RERE: variants seen among roughly 807,000 people sequenced by gnomAD.
The protein encoded by RERE is arginine-glutamic acid dipeptide repeats, also known as arginine-glutamic acid dipeptide repeats protein.
Under a neutral mutation model 146.1 loss-of-function variants are expected in RERE, and 40 were observed. That is an observed-to-expected ratio of 0.27 (90% CI 0.21 to 0.36). RERE has a LOEUF of 0.36. Among genes scored for constraint, RERE ranks in the 10% least tolerant of loss-of-function variants. The pLI, the probability that RERE is intolerant of heterozygous loss-of-function variation, is 1.00. For synonymous variants in RERE, 1,003 were observed against 866.0 expected, an observed-to-expected ratio of 1.16 and a Z score of -2.78; for missense variants, 1,933 against 2,138.7, an observed-to-expected ratio of 0.90 and a Z score of 1.90.
intron 1 of RERE, among the ~76,000 whole-genome samples, chr1:8,816,146 T>A (rs555659407): frequency 8.9e-4 from 136 of 152,316 alleles, no homozygotes; most frequent in Non-Finnish European, 1.7e-3. Flanking sequence ...AAAGCAATTA[T>A]GAAAACTGTT....
intron 11 of RERE, chr1:8,428,635 C>T (rs561063466): frequency 1.3e-5 from 2 of 152,042 alleles, no homozygotes; most frequent in African/African-American, 2.4e-5. Flanking sequence ...TTTAATAGAA[C>T]CTGGAAAGCT....
At chr1:8,635,458 A>G (rs550654655) in intron 2 of RERE, among the ~76,000 whole-genome samples, 5 of 152,326 alleles carry the variant, frequency 3.3e-5, no homozygotes, top group African/African-American at 1.2e-4. Flanking sequence ...TTTATTGTTC[A>G]AGCCCTAAGA....
chr1:8,376,485 C>T (rs1280840514), intron 12 of RERE, among the ~76,000 whole-genome samples: 2 of 152,182 alleles, frequency 1.3e-5, no homozygotes, highest in Non-Finnish European at 2.9e-5. Context: ...CTTTCTGCTT[C>T]CTATACCAAG....
rs1643955782 is a variant in RERE at position 8,423,751 on chromosome 1, G to A, written c.1204-944C>T. 1.1e-6 allele frequency: 1 copy of A among 941,738 alleles called. No individual in the cohort carries two copies. The allele number at this position is 941,738 out of a possible 1,614,324, so 58.3% of individuals were successfully genotyped here. A position where few individuals can be genotyped will look rare whatever the true frequency, so the allele number is the denominator to read the frequency against. The stretch of plus-strand genomic sequence containing the variant: ...CGCGGCGCGGGGCCCGGGGGGCGCG[G>A]GGCTGGGGCCGCCGCTGACGGGGGA... On this transcript the variant is annotated intron_variant, in intron 11 of 22. Transcript: ENST00000400908. The surrounding 1 kb of genome is among the most constrained non-coding windows in gnomAD (Gnocchi z 5.4).
At chr1:8,580,234 T>C (rs1439264916) in intron 4 of RERE, among the ~76,000 whole-genome samples, 2 of 152,172 alleles carry the variant, frequency 1.3e-5, no homozygotes, top group Admixed American at 6.5e-5. Context: ...TCCATTACTA[T>C]AAGCTATCAT....
intron 5 of RERE, among the ~76,000 whole-genome samples, 160 bp downstream of exon 5, chr1:8,557,258 C>T (rs372419994): frequency 1.3e-5 from 2 of 152,164 alleles, no homozygotes; most frequent in Admixed American, 6.5e-5. Flanking sequence ...ACCCACCTCA[C>T]GTGACTAACT....
At chr1:8,492,664 C>T (rs558367944) in intron 10 of RERE, among the ~76,000 whole-genome samples, 2 of 152,220 alleles carry the variant, frequency 1.3e-5, no homozygotes, top group South Asian at 4.1e-4. Flanking sequence ...CTTTGGGAGG[C>T]CGAGGCAGGA....
At chr1:8,414,843 T>C (rs1643718360) in intron 12 of RERE, among the ~76,000 whole-genome samples, 1 of 151,738 alleles carries the variant, frequency 6.6e-6, no homozygotes, top group Non-Finnish European at 1.5e-5. Context: ...AAATTATACA[T>C]GACAGGAAAA....
At chr1:8,789,301 A>AAAAAAAAAAAAAAAAAAAATATAT in intron 1 of RERE, among the ~76,000 whole-genome samples, 1 of 24,814 alleles carries the variant, frequency 4.0e-5, no homozygotes, top group African/African-American at 2.3e-4. Flanking sequence ...AAAAAAAAAA[A>AAAAAAAAAAAAAAAAAAAATATAT]ATATATATAT....
intron 1 of RERE, among the ~76,000 whole-genome samples, chr1:8,668,383 T>C (rs1638626396): frequency 6.6e-6 from 1 of 152,074 alleles, no homozygotes. Flanking sequence ...GGTCATGGGG[T>C]CAAGTGGAAG....
At chr1:8,382,557 T>C (rs187226054) in intron 12 of RERE, among the ~76,000 whole-genome samples, 1 of 152,346 alleles carries the variant, frequency 6.6e-6, no homozygotes, top group African/African-American at 2.4e-5. Context: ...GAAGTGACTA[T>C]TAATATTTTC....
intron 8 of RERE, among the ~76,000 whole-genome samples, chr1:8,501,326 G>A (rs1420935067): frequency 8.7e-6 from 1 of 114,570 alleles, no homozygotes; most frequent in African/African-American, 3.7e-5. Flanking sequence ...CCGTCCGGGA[G>A]GGAGGTGGGG....
At chr1:8,579,110 T>A (rs1204870954) in intron 4 of RERE, among the ~76,000 whole-genome samples, 1 of 152,250 alleles carries the variant, frequency 6.6e-6, no homozygotes, top group Non-Finnish European at 1.5e-5. Flanking sequence ...TGTTCCGCTG[T>A]CTGTGTCCAT....
chr1:8,397,924 G>A (rs1263362906), intron 12 of RERE, among the ~76,000 whole-genome samples: 1 of 152,170 alleles, frequency 6.6e-6, no homozygotes, highest in Non-Finnish European at 1.5e-5. Context: ...GAGCATCTAG[G>A]TGCAAGGCAC....
intron 4 of RERE, among the ~76,000 whole-genome samples, chr1:8,562,217 G>A (rs1646086913): frequency 6.6e-6 from 1 of 152,134 alleles, no homozygotes; most frequent in Non-Finnish European, 1.5e-5. Context: ...TAGTAATAGT[G>A]TCATACAGCA....
At chr1:8,694,394 A>G (rs1392763848) in intron 1 of RERE, among the ~76,000 whole-genome samples, 1 of 152,208 alleles carries the variant, frequency 6.6e-6, no homozygotes, top group Non-Finnish European at 1.5e-5. Context: ...TAAAGAAAGA[A>G]AATAACTAGG....
intron 1 of RERE, among the ~76,000 whole-genome samples, chr1:8,669,077 T>TGTGTGTG (rs1220047868): frequency 8.2e-5 from 11 of 134,064 alleles, no homozygotes; most frequent in Admixed American, 1.5e-4. Context: ...TGTGTGTGTG[T>TGTGTGTG]TGTGTTTTTA....
intron 1 of RERE, among the ~76,000 whole-genome samples, chr1:8,726,144 TTTC>T (rs1639960097): frequency 1.4e-5 from 2 of 138,050 alleles, no homozygotes; most frequent in African/African-American, 5.8e-5. Context: ...CCTTTTTTCT[TTTC>T]TTTTTTTTTT....
intron 1 of RERE, among the ~76,000 whole-genome samples, chr1:8,683,031 C>CAAAAAAAAAAAAAAAAA (rs71580039): frequency 1.5e-5 from 1 of 65,728 alleles, no homozygotes; most frequent in Non-Finnish European, 2.6e-5. Flanking sequence ...CTGTCTTTAC[C>CAAAAAAAAAAAAAAAAA]AAAAAAAAAA....
Sources: gnomAD v4.1 joint callset for allele counts (sites outside exome capture counted in the v4.1 genomes callset) on GRCh38, gnomAD v4.1.1 for gene constraint, Gnocchi (gnomAD v3.1) non-coding constraint, MANE v1.5 for transcripts, NCBI Gene and HGNC (gene_info 2026-07-23, HGNC 2026-07-21) for gene names.